STK31: variants seen among roughly 807,000 people sequenced by gnomAD.
STK31 encodes serine/threonine kinase 31.
In STK31, 89 loss-of-function variants were observed where a neutral mutation model predicts 129.7. That is an observed-to-expected ratio of 0.69 (90% CI 0.58 to 0.82). The LOEUF (loss-of-function observed/expected upper bound fraction) is 0.82. Among genes scored for constraint, STK31 ranks in the 40% least tolerant of loss-of-function variants. The pLI is 0.00. For missense variants in STK31, 1,187 were observed against 1,176.4 expected (o/e 1.01, Z -0.13); for synonymous variants, 448 against 395.3 (o/e 1.13, Z -1.58).
intron 22 of STK31, among the ~76,000 whole-genome samples, chr7:23,800,281 CTT>C (rs1271712470): frequency 6.6e-6 from 1 of 152,148 alleles, no homozygotes; most frequent in Non-Finnish European, 1.5e-5. Flanking sequence ...GACATGCACA[CTT>C]AAGTTTATTG....
At chr7:23,795,942 G>A (rs1791924425) in intron 22 of STK31, among the ~76,000 whole-genome samples, 2 of 152,174 alleles carry the variant, frequency 1.3e-5, no homozygotes, top group African/African-American at 2.4e-5. Context: ...TAGGCAGAAG[G>A]AACTTGCCTT....
At chr7:23,760,312 A>T (rs1359077257) in intron 10 of STK31, among the ~76,000 whole-genome samples, 1 of 152,136 alleles carries the variant, frequency 6.6e-6, no homozygotes, top group Admixed American at 6.5e-5. Context: ...CTCCCTAGTC[A>T]TACCTAGGTT....
chr7:23,721,001 A>C (rs1786656828), intron 4 of STK31, among the ~76,000 whole-genome samples: 1 of 152,164 alleles, frequency 6.6e-6, no homozygotes, highest in African/African-American at 2.4e-5. Context: ...ATTAAATCTA[A>C]CCCTTACCAC....
chr7:23,744,142 A>G (rs1788212263), intron 8 of STK31, among the ~76,000 whole-genome samples: 1 of 151,286 alleles, frequency 6.6e-6, no homozygotes, highest in Non-Finnish European at 1.5e-5. Flanking sequence ...GCTCTTCTCA[A>G]CCCCTGAGCT....
chr7:23,749,573 G>C (rs934217979), intron 8 of STK31, among the ~76,000 whole-genome samples: 2 of 146,788 alleles, frequency 1.4e-5, no homozygotes, highest in African/African-American at 5.1e-5. Context: ...GGCTGGTCTT[G>C]AACTCCTGGG....
At chr7:23,830,214 C>T (rs912353547) in intron 23 of STK31, among the ~76,000 whole-genome samples, 2 of 152,028 alleles carry the variant, frequency 1.3e-5, no homozygotes, top group African/African-American at 4.8e-5. Flanking sequence ...GTACAGCTAG[C>T]AGTTTATTGA....
At chr7:23,809,407 C>T (rs1792942742) in intron 22 of STK31, among the ~76,000 whole-genome samples, 1 of 152,048 alleles carries the variant, frequency 6.6e-6, no homozygotes, top group African/African-American at 2.4e-5. Context: ...GATGATCTTA[C>T]TTCTTATTTT....
At chr7:23,756,860 A>G (rs1473335448) in intron 10 of STK31, among the ~76,000 whole-genome samples, 3 of 152,086 alleles carry the variant, frequency 2.0e-5, no homozygotes, top group Admixed American at 6.6e-5. Context: ...GTGGTGGGTA[A>G]GTTTTTTGAT....
At chr7:23,724,399 TCTTA>T (rs1308381541) in intron 4 of STK31, among the ~76,000 whole-genome samples, 1 of 151,952 alleles carries the variant, frequency 6.6e-6, no homozygotes, top group Non-Finnish European at 1.5e-5. Context: ...CTAGAGAGAG[TCTTA>T]CTTGAGAAGC....
At chr7:23,711,671 T>C (rs1785973343) in intron 1 of STK31, among the ~76,000 whole-genome samples, 1 of 152,164 alleles carries the variant, frequency 6.6e-6, no homozygotes, top group Non-Finnish European at 1.5e-5. Flanking sequence ...GTAACCACCG[T>C]GCCTTTTACA....
chr7:23,813,461 C>T (rs563837068), intron 22 of STK31, among the ~76,000 whole-genome samples: 3 of 152,196 alleles, frequency 2.0e-5, no homozygotes, highest in Admixed American at 2.0e-4. Context: ...TTATCTTGGA[C>T]ATTTTGGATA....
At chr7:23,739,911 G>A (rs185400785) in intron 8 of STK31, among the ~76,000 whole-genome samples, 116 of 152,280 alleles carry the variant, frequency 7.6e-4, no homozygotes, top group African/African-American at 2.7e-3. Flanking sequence ...ATAGCGTGAT[G>A]TCTCCAGGTT....
chr7:23,812,008 AT>A (rs1394475619), intron 22 of STK31, among the ~76,000 whole-genome samples: 1 of 152,166 alleles, frequency 6.6e-6, no homozygotes, highest in Non-Finnish European at 1.5e-5. Context: ...AGTCTGTGGT[AT>A]TAGTCATATT....
intron 10 of STK31, among the ~76,000 whole-genome samples, chr7:23,761,348 T>C (rs1789447981): frequency 2.6e-5 from 4 of 152,322 alleles, no homozygotes; most frequent in East Asian, 3.9e-4. Context: ...ATTGTACTTA[T>C]TTTGGTTTAG....
At chr7:23,736,603 G>A (rs1787733511) in intron 7 of STK31, among the ~76,000 whole-genome samples, 1 of 151,306 alleles carries the variant, frequency 6.6e-6, no homozygotes. Context: ...GATCACAGGA[G>A]GGACTGGAAA....
rs1171568592 is a variant in STK31 at position 23,750,067 on chromosome 7, T to TCCCCCCCCCCCCCCCC, written c.1018-2642_1018-2641insCCCCCCCCCCCCCCCC. On this transcript the variant is annotated intron_variant, in intron 8 of 23. Transcript: ENST00000355870. ...CTGGGATATTTCAGAATGGTTTGTT[T>TCCCCCCCCCCCCCCCC]CCCCCCCCGCCACTGCTGGAAACAT... is the stretch of plus-strand genomic sequence containing the variant. Among the ~76,000 whole-genome samples, 21 of 90,600 alleles carry TCCCCCCCCCCCCCCCC rather than the reference T, an allele frequency of 2.3e-4. 1 individual carries two copies. Among genetic ancestry groups the TCCCCCCCCCCCCCCCC allele is most frequent in the Admixed American group, 4.3e-4 (3 of 6,954 alleles). The allele number at this position is 90,600 out of a possible 152,430, so 59.4% of individuals were successfully genotyped here. A position where few individuals can be genotyped will look rare whatever the true frequency, so the allele number is the denominator to read the frequency against.
In STK31 at chr7:23,813,092, T is replaced by TTA. The variant is rs1192419032; in HGVS notation, c.2761-2051_2761-2050insAT. Among the ~76,000 whole-genome samples, 47 of 148,450 alleles carry TTA rather than the reference T, an allele frequency of 3.2e-4. 1 individual carries two copies. Among genetic ancestry groups the TTA allele is most frequent in the African/African-American group, 8.1e-4 (33 of 40,610 alleles). On this transcript the variant is annotated intron_variant, in intron 22 of 23. Coordinates refer to ENST00000355870, the MANE Select transcript of STK31 (RefSeq NM_031414.5). Reference sequence around the variant, plus strand: ...GGCTCTCTGTTCTTTTTTTTTTTTTTTTTTTTGTCTGTTTTCTCTCTGATC... The same window carrying TTA: ...GGCTCTCTGTTCTTTTTTTTTTTTTTTATTTTTTGTCTGTTTTCTCTCTGATC...
intron 10 of STK31, among the ~76,000 whole-genome samples, chr7:23,754,713 A>G (rs918895810): frequency 6.6e-6 from 1 of 152,026 alleles, no homozygotes; most frequent in Non-Finnish European, 1.5e-5. Context: ...TGTGTTCTCA[A>G]TGTTCAACTC....
rs565362963 is a variant in STK31 at position 23,710,614 on chromosome 7, G to T, written c.50+279G>T. 3.2e-5 allele frequency: 40 copies of T among 1,269,052 alleles called. No homozygotes were observed. The African/African-American group carries it at 5.7e-4, about 18-fold the overall frequency. 78.6% of individuals were successfully genotyped at this position (1,269,052 alleles called of 1,614,324 possible). A position where few individuals can be genotyped will look rare whatever the true frequency, so the allele number is the denominator to read the frequency against. On this transcript the variant is annotated intron_variant, in intron 1 of 23. Transcript: ENST00000355870. The stretch of plus-strand genomic sequence containing the variant: ...CTCTTCCCCTTCTCGAAAATTCTGT[G>T]CCATTTAAGTTTCAAAATCCCTTAT...
Sources: allele counts gnomAD v4.1 joint callset (sites outside exome capture counted in the v4.1 genomes callset), GRCh38; gene constraint gnomAD v4.1.1; transcripts MANE v1.5; gene names NCBI Gene and HGNC (gene_info 2026-07-23, HGNC 2026-07-21).